CNGB3: variants seen among roughly 807,000 people sequenced by gnomAD.
CNGB3 encodes the protein cyclic nucleotide-gated channel beta-3.
A neutral mutation model predicts 92.8 loss-of-function variants in CNGB3; 86 were observed. That is an observed-to-expected ratio of 0.93 (90% CI 0.78 to 1.11). CNGB3 has a LOEUF of 1.11. Among genes scored for constraint, CNGB3 ranks in the 50% least tolerant of loss-of-function variants. CNGB3 has a pLI of 0.00. For missense variants in CNGB3, 1,026 were observed against 956.8 expected (o/e 1.07, Z -0.95); for synonymous variants, 333 against 332.7 (o/e 1.00, Z -0.01).
intron 3 of CNGB3, among the ~76,000 whole-genome samples, chr8:86,677,689 G>C (rs1408985525): frequency 3.3e-5 from 5 of 152,144 alleles, no homozygotes; most frequent in Non-Finnish European, 7.4e-5. Context: ...CAAAAAATCA[G>C]GGAAGGTAAG....
At chr8:86,706,959 TA>T (rs1331899240) in intron 3 of CNGB3, among the ~76,000 whole-genome samples, 1 of 152,208 alleles carries the variant, frequency 6.6e-6, no homozygotes, top group African/African-American at 2.4e-5. Context: ...TATTTTGTGA[TA>T]AAAATATTAT....
At chr8:86,592,922 A>T (rs984455933) in intron 15 of CNGB3, among the ~76,000 whole-genome samples, 2 of 152,198 alleles carry the variant, frequency 1.3e-5, no homozygotes, top group African/African-American at 4.8e-5. Flanking sequence ...CAACTTTAAA[A>T]CTTGACTAAA....
intron 3 of CNGB3, among the ~76,000 whole-genome samples, chr8:86,714,927 G>A (rs576298506): frequency 2.6e-5 from 4 of 151,974 alleles, no homozygotes; most frequent in African/African-American, 9.7e-5. Flanking sequence ...TAATCCCCCT[G>A]GGAATATAAC....
intron 3 of CNGB3, among the ~76,000 whole-genome samples, chr8:86,695,176 A>T (rs1228841651): frequency 6.6e-6 from 1 of 152,148 alleles, no homozygotes; most frequent in African/African-American, 2.4e-5. Context: ...GGCGCCTGCA[A>T]TCGCAGGCAC....
intron 3 of CNGB3, among the ~76,000 whole-genome samples, chr8:86,690,825 C>G (rs1445390444): frequency 3.3e-5 from 5 of 152,076 alleles, no homozygotes; most frequent in Non-Finnish European, 5.9e-5. Context: ...AATCCTTTCC[C>G]CATTTCTTGT....
At chr8:86,690,513 A>G (rs1408714988) in intron 3 of CNGB3, among the ~76,000 whole-genome samples, 14 of 152,032 alleles carry the variant, frequency 9.2e-5, no homozygotes, top group East Asian at 1.9e-4. Flanking sequence ...TAGGTTGCCT[A>G]TTCACTCTGA....
At chr8:86,620,790 A>G (rs16916209) in intron 13 of CNGB3, among the ~76,000 whole-genome samples, 13,657 of 152,066 alleles carry the variant, frequency 0.09, 1,738 homozygotes, top group African/African-American at 0.28. Context: ...TATTCATCCT[A>G]TTTCCTTCCT....
At position 86,576,006 on chromosome 8, in the gene CNGB3, CCTTTAT is replaced by C. The variant is rs1563711310; in HGVS notation, c.2222_2227del (p.Asp741_Lys742del). On this transcript the variant is annotated inframe_deletion, in exon 18 of 18. Transcript: ENST00000320005. Reference sequence around the variant, plus strand: ...CAGTGGCTTCTCTTCTGGCTCTCTTCCTTTATCTTTATCTTCATTTTCTTTTCCTTT... The same window carrying C: ...CAGTGGCTTCTCTTCTGGCTCTCTTCCTTTATCTTCATTTTCTTTTCCTTT... 2 of 1,613,474 alleles carry C rather than the reference CCTTTAT, an allele frequency of 1.2e-6. No homozygotes were observed. The highest frequency in any genetic ancestry group is 1.1e-5 in the South Asian group (1 of 90,892).
At position 86,625,989 on chromosome 8, in the gene CNGB3, C is replaced by T. The variant is rs1280885693; in HGVS notation, c.1572G>A (p.Leu524=). The stretch of plus-strand genomic sequence containing the variant: ...TAATTGTAAAAGCACTTGCCTTGAA[C>T]AAGTCGACTTTGCTGATGATGCTGA... The part of the protein sequence containing the change: ...VNFSIISKVD[L]FKGCDTQMIY... The change falls in exon 13 of 18, where the codon TTG becomes TTA. Residue 524 remains leucine, a synonymous_variant. Transcript: ENST00000320005. 2 of 1,612,946 alleles carry T rather than the reference C, an allele frequency of 1.2e-6. No homozygotes were observed. Among genetic ancestry groups the T allele is most frequent in the African/African-American group, 1.3e-5 (1 of 74,904 alleles).
chr8:86,653,407 G>A (rs772012207), intron 7 of CNGB3, among the ~76,000 whole-genome samples: 7 of 151,942 alleles, frequency 4.6e-5, no homozygotes, highest in African/African-American at 9.7e-5. Context: ...ACCCAGATTT[G>A]TATTTTTAAA....
intron 3 of CNGB3, among the ~76,000 whole-genome samples, chr8:86,688,498 A>G (rs939663482): frequency 6.6e-6 from 1 of 152,080 alleles, no homozygotes; most frequent in Non-Finnish European, 1.5e-5. Context: ...CAAGACGCCA[A>G]GTAGGAAACA....
intron 3 of CNGB3, among the ~76,000 whole-genome samples, chr8:86,725,691 C>T (rs980944591): frequency 6.6e-6 from 1 of 152,164 alleles, no homozygotes; most frequent in Non-Finnish European, 1.5e-5. Context: ...ATGACTTCTA[C>T]TAACAGCAGA....
At chr8:86,651,477 C>T (rs968219821) in intron 7 of CNGB3, among the ~76,000 whole-genome samples, 1 of 151,680 alleles carries the variant, frequency 6.6e-6, no homozygotes, top group Non-Finnish European at 1.5e-5. Context: ...GTAGAGGTAT[C>T]GATCTTTGTA....
intron 10 of CNGB3, among the ~76,000 whole-genome samples, chr8:86,641,386 A>G (rs916671667): frequency 1.3e-5 from 2 of 151,936 alleles, no homozygotes; most frequent in African/African-American, 4.8e-5. Flanking sequence ...TACTTTCTTA[A>G]TAAATTTGCT....
At chr8:86,598,558 A>G (rs1822221217) in intron 15 of CNGB3, among the ~76,000 whole-genome samples, 1 of 152,234 alleles carries the variant, frequency 6.6e-6, no homozygotes, top group Admixed American at 6.5e-5. Flanking sequence ...ATTATCTCAC[A>G]GTTCTGGAGG....
At chr8:86,589,048 C>CA (rs1436410287) in intron 15 of CNGB3, among the ~76,000 whole-genome samples, 2 of 152,156 alleles carry the variant, frequency 1.3e-5, no homozygotes, top group African/African-American at 4.8e-5. Context: ...GATTCAACTT[C>CA]TTCCTGGTTT....
chr8:86,585,916 C>A (rs1347197444), intron 15 of CNGB3, among the ~76,000 whole-genome samples: 1 of 152,152 alleles, frequency 6.6e-6, no homozygotes, highest in Non-Finnish European at 1.5e-5. Context: ...AGATACCCAG[C>A]TCTCTCTTTG....
At chr8:86,733,036 A>G (rs1164257231) in intron 2 of CNGB3, among the ~76,000 whole-genome samples, 1 of 151,634 alleles carries the variant, frequency 6.6e-6, no homozygotes, top group African/African-American at 2.4e-5. Flanking sequence ...TTTTGTTATT[A>G]TTTTATTTTT....
chr8:86,680,712 G>A (rs78866021), intron 3 of CNGB3, among the ~76,000 whole-genome samples: 5,555 of 152,166 alleles, frequency 0.037, 350 homozygotes, highest in African/African-American at 0.12. Flanking sequence ...ACTCTTGACA[G>A]TGGTTTTCCC....
Sources: allele counts gnomAD v4.1 joint callset (sites outside exome capture counted in the v4.1 genomes callset), GRCh38; gene constraint gnomAD v4.1.1; transcripts MANE v1.5; gene names NCBI Gene and HGNC (gene_info 2026-07-23, HGNC 2026-07-21).